Variants in SORL1 observed in about 807,000 individuals in gnomAD.
SORL1 encodes sortilin related receptor 1.
In SORL1, 127 loss-of-function variants were observed where a neutral mutation model predicts 273.7. The observed-to-expected ratio is 0.46, with a 90% CI of 0.40 to 0.54. The LOEUF (loss-of-function observed/expected upper bound fraction) is 0.54. Ranked by LOEUF, SORL1 falls within the 20% of genes least tolerant of loss-of-function variation. The pLI is 0.00. For missense variants in SORL1, 2,494 were observed against 2,846.1 expected (o/e 0.88, Z 2.81); for synonymous variants, 1,031 against 1,067.4 (o/e 0.97, Z 0.66).
chr11:121,574,912 G>A (rs188129308), intron 24 of SORL1, among the ~76,000 whole-genome samples: 2 of 152,212 alleles, frequency 1.3e-5, no homozygotes, highest in East Asian at 3.9e-4. Context: ...TGTGAGATTA[G>A]CCTGCTGAAG....
At chr11:121,575,699 A>G (rs1385096616) in intron 24 of SORL1, among the ~76,000 whole-genome samples, 1 of 152,248 alleles carries the variant, frequency 6.6e-6, no homozygotes, top group Non-Finnish European at 1.5e-5. Flanking sequence ...CAAGTGCCTG[A>G]AAACATGTCC....
At chr11:121,540,522 C>CAAAAAAAAAAA (rs34608652) in intron 12 of SORL1, among the ~76,000 whole-genome samples, 30 of 103,802 alleles carry the variant, frequency 2.9e-4, no homozygotes, top group East Asian at 5.5e-4. Flanking sequence ...ACTAAAAATA[C>CAAAAAAAAAAA]AAAAAAAAAA....
intron 3 of SORL1, among the ~76,000 whole-genome samples, chr11:121,483,391 CT>C (rs983956752): frequency 1.3e-5 from 2 of 152,230 alleles, no homozygotes; most frequent in African/African-American, 4.8e-5. Context: ...AGGGATGTTC[CT>C]TCATTGCCTT....
chr11:121,483,116 CAG>C (rs1182892076), intron 3 of SORL1, among the ~76,000 whole-genome samples: 2 of 152,218 alleles, frequency 1.3e-5, no homozygotes, highest in Non-Finnish European at 2.9e-5. Flanking sequence ...AAAATAGAGA[CAG>C]GGGTCTTGCT....
chr11:121,531,178 G>C (rs962035577), intron 11 of SORL1, among the ~76,000 whole-genome samples: 3 of 152,146 alleles, frequency 2.0e-5, no homozygotes, highest in Admixed American at 2.0e-4. Flanking sequence ...GGAAGCACTT[G>C]AGGTCAGGAG....
chr11:121,562,767 GA>G (rs951209752), intron 21 of SORL1, among the ~76,000 whole-genome samples: 3 of 151,808 alleles, frequency 2.0e-5, no homozygotes, highest in East Asian at 1.9e-4. Flanking sequence ...AATAAGGGAG[GA>G]AAAAAAATCT....
chr11:121,477,249 C>CACG (rs1861284181), intron 2 of SORL1, among the ~76,000 whole-genome samples: 1 of 152,192 alleles, frequency 6.6e-6, no homozygotes, highest in Non-Finnish European at 1.5e-5. Flanking sequence ...ACAGTATTGT[C>CACG]ACGTCACTCA....
chr11:121,452,421 C>T lies in SORL1; in HGVS notation c.90C>T (p.Val30=). The T allele has an allele frequency of 6.6e-7, 1 of 1,519,194 alleles. No homozygotes were observed. 94.1% of individuals were successfully genotyped at this position (1,519,194 alleles called of 1,614,324 possible). Residue 30 remains valine (V), a synonymous_variant, in exon 1 of 48, where the codon GTC becomes GTT. Coordinates refer to ENST00000260197, the MANE Select transcript of SORL1 (RefSeq NM_003105.6). The surrounding 1 kb of genome is among the most constrained non-coding windows in gnomAD (Gnocchi z 5.3). The part of the protein sequence containing the change: ...ALLPPGALCE[V]WTQRLHGGSA... The stretch of plus-strand genomic sequence containing the variant: ...TGCCGCCCGGAGCTCTCTGCGAAGT[C>T]TGGACGCAGAGGCTGCACGGCGGCA...
In SORL1 at chr11:121,618,871, A is replaced by C. The variant is rs749518869; in HGVS notation, c.5702A>C (p.Lys1901Thr). 1 of 1,614,164 alleles carries C rather than the reference A, an allele frequency of 6.2e-7. No homozygotes were observed. The highest frequency in any genetic ancestry group is 1.1e-5 in the South Asian group (1 of 91,086). Residue 1901 changes from lysine (K) to threonine (T), a missense_variant, in exon 42 of 48, where the codon AAG becomes ACG. Coordinates refer to ENST00000260197, the MANE Select transcript of SORL1 (RefSeq NM_003105.6). ...CACAACAAGACGGTCATTGTCAGTA[A>C]GGATGAGCAGTATTTGTTTCTGGTA... Reference protein sequence around the residue: ...SLHNKTVIVSKDEQYLFLVRV... With the variant: ...SLHNKTVIVSTDEQYLFLVRV...
At chr11:121,610,389 A>G (rs1411625230) in intron 38 of SORL1, 1 of 152,208 alleles carries the variant, frequency 6.6e-6, no homozygotes, top group Non-Finnish European at 1.5e-5. Flanking sequence ...CTTGAGCTCC[A>G]GTCTTTTTGA....
intron 6 of SORL1, among the ~76,000 whole-genome samples, chr11:121,501,731 C>G (rs1861711088): frequency 6.6e-6 from 1 of 152,136 alleles, no homozygotes; most frequent in African/African-American, 2.4e-5. Context: ...AAACCCGCCC[C>G]CATGATTCAG....
intron 1 of SORL1, among the ~76,000 whole-genome samples, chr11:121,468,370 C>T (rs1861118586): frequency 6.6e-6 from 1 of 152,068 alleles, no homozygotes; most frequent in Admixed American, 6.5e-5. Context: ...AGAGAGGCAG[C>T]CTGTGATCCT....
intron 43 of SORL1, among the ~76,000 whole-genome samples, chr11:121,620,134 G>T (rs1246355218): frequency 6.6e-6 from 1 of 152,148 alleles, no homozygotes; most frequent in Admixed American, 6.5e-5. Context: ...TACCATTTTG[G>T]TTTGTCCCTC....
chr11:121,478,478 T>C (rs561003644), intron 3 of SORL1, among the ~76,000 whole-genome samples: 3 of 152,166 alleles, frequency 2.0e-5, no homozygotes, highest in Non-Finnish European at 4.4e-5. Context: ...AGACAAACAA[T>C]GACAGGTTAA....
At chr11:121,583,618 T>A in intron 26 of SORL1, 35 bp downstream of exon 26, 1 of 1,576,174 alleles carries the variant, frequency 6.3e-7, no homozygotes, top group Non-Finnish European at 8.6e-7. Context: ...TCCCTGAGCC[T>A]CCCCAGTGTC....
At chr11:121,617,925 G>A (rs955398082) in intron 41 of SORL1, among the ~76,000 whole-genome samples, 2 of 152,198 alleles carry the variant, frequency 1.3e-5, no homozygotes, top group Admixed American at 1.3e-4. Context: ...GTTGAGCAGT[G>A]CAGGGCTTCT....
Position 121,630,909 on chromosome 11 carries a change from T to A in SORL1, c.*1346T>A, listed in dbSNP as rs1427376059. 6.6e-6 allele frequency: 1 copy of A among 152,262 alleles called. No individual in the cohort carries two copies. Among genetic ancestry groups the A allele is most frequent in the Non-Finnish European group, 1.5e-5 (1 of 68,054 alleles). 9.4% of individuals were successfully genotyped at this position (152,262 alleles called of 1,614,324 possible). On this transcript the variant is annotated 3_prime_UTR_variant, in exon 48 of 48. Coordinates refer to ENST00000260197, the MANE Select transcript of SORL1 (RefSeq NM_003105.6). ...GCTGATGCAAGCCCTTTATTTAGGC[T>A]TAGTGTTGTGGGCACCAATGTCGAG...
At chr11:121,559,695 ATC>A in intron 21 of SORL1, 38 bp downstream of exon 21, 2 of 1,603,754 alleles carry the variant, frequency 1.2e-6, no homozygotes, top group South Asian at 2.2e-5. Flanking sequence ...TGTAGAGTTG[ATC>A]TCAAGAAAGG....
At chr11:121,606,795 G>A (rs1863480982) in intron 35 of SORL1, 50 bp from the exon 36 acceptor site, 1 of 1,350,286 alleles carries the variant, frequency 7.4e-7, no homozygotes. Context: ...AATTCCTCTG[G>A]TTGGCTGCTA....
Sources: allele counts gnomAD v4.1 joint callset (sites outside exome capture counted in the v4.1 genomes callset), GRCh38; gene constraint gnomAD v4.1.1; non-coding constraint Gnocchi (gnomAD v3.1); transcripts MANE v1.5; gene names NCBI Gene and HGNC (gene_info 2026-07-23, HGNC 2026-07-21).